SETBP1: variants seen among roughly 807,000 people sequenced by gnomAD.
SETBP1 encodes SET-binding protein.
In SETBP1, 9 loss-of-function variants were observed where a neutral mutation model predicts 101.0. The ratio of observed to expected loss-of-function variants is 0.09; its 90% CI spans 0.05 to 0.16. The LOEUF (loss-of-function observed/expected upper bound fraction) is 0.16, where lower values mean the gene tolerates loss of function less well. Ranked by LOEUF, SETBP1 falls within the 10% of genes least tolerant of loss-of-function variation. The pLI, the probability that SETBP1 is intolerant of heterozygous loss-of-function variation, is 1.00. For missense variants in SETBP1, 1,858 were observed against 2,033.8 expected, an observed-to-expected ratio of 0.91 and a Z score of 1.66; for synonymous variants, 818 against 788.5, an observed-to-expected ratio of 1.04 and a Z score of -0.63.
At chr18:44,964,301 C>G (rs2071675310) in intron 4 of SETBP1, among the ~76,000 whole-genome samples, 1 of 152,006 alleles carries the variant, frequency 6.6e-6, no homozygotes, top group Non-Finnish European at 1.5e-5. Flanking sequence ...ACCTGTAATC[C>G]CAGCACTTTG....
At chr18:44,747,194 T>C (rs1481321115) in intron 2 of SETBP1, among the ~76,000 whole-genome samples, 2 of 152,242 alleles carry the variant, frequency 1.3e-5, no homozygotes, top group Non-Finnish European at 2.9e-5. Context: ...TTCTTCCCCA[T>C]GCATCCTTTC....
chr18:44,871,521 T>G (rs968488978), intron 3 of SETBP1: 1 of 152,198 alleles, frequency 6.6e-6, no homozygotes, highest in Non-Finnish European at 1.5e-5. Context: ...ACCACTTGAA[T>G]GTAGAGGTTT....
chr18:45,006,011 T>G (rs1187905645), intron 4 of SETBP1, among the ~76,000 whole-genome samples: 2 of 137,184 alleles, frequency 1.5e-5, no homozygotes. Flanking sequence ...TGGAGTGCAA[T>G]GGCATGATCT....
intron 2 of SETBP1, among the ~76,000 whole-genome samples, chr18:44,788,706 T>C (rs1424275805): frequency 6.6e-6 from 1 of 151,716 alleles, no homozygotes; most frequent in Non-Finnish European, 1.5e-5. Flanking sequence ...TTTTAATTAG[T>C]AAAACTATCA....
intron 3 of SETBP1, among the ~76,000 whole-genome samples, chr18:44,923,733 T>G (rs1198349048): frequency 2.6e-5 from 4 of 152,220 alleles, no homozygotes; most frequent in Non-Finnish European, 5.9e-5. Flanking sequence ...ACATGATTGA[T>G]TACTTAACCT....
At chr18:44,854,322 G>T (rs1157393478) in intron 2 of SETBP1, among the ~76,000 whole-genome samples, 1 of 152,178 alleles carries the variant, frequency 6.6e-6, no homozygotes, top group Non-Finnish European at 1.5e-5. Context: ...GACTCACTGC[G>T]TTTATCTGGG....
At chr18:45,052,042 G>C (rs1032715919) in intron 5 of SETBP1, among the ~76,000 whole-genome samples, 2 of 152,346 alleles carry the variant, frequency 1.3e-5, no homozygotes, top group Admixed American at 6.5e-5. Context: ...AAGTAAGTCA[G>C]CTAGACTCTG....
At position 44,950,074 on chromosome 18, in the gene SETBP1, C is replaced by T. The variant is rs1390185938; in HGVS notation, c.734C>T (p.Thr245Ile). 1 of 1,614,238 alleles carries T rather than the reference C, an allele frequency of 6.2e-7. No individual in the cohort carries two copies. Among genetic ancestry groups the T allele is most frequent in the Non-Finnish European group, 8.5e-7 (1 of 1,180,050 alleles). Residue 245 changes from threonine (T) to isoleucine (I), a missense_variant, in exon 4 of 6, where the codon ACT becomes ATT. Around this residue, in one of 12 missense-constraint regions of SETBP1, gnomAD observed 581 missense variants for 535.1 expected, o/e 1.09. Coordinates refer to ENST00000649279, the MANE Select transcript of SETBP1 (RefSeq NM_015559.3). Reference protein sequence around the residue: ...CFISPESGRETASTSKIPALE... With the variant: ...CFISPESGREIASTSKIPALE... ...ATCAGTCCAGAGTCTGGCAGAGAAA[C>T]TGCAAGCACCAGCAAGATCCCCGCT...
chr18:45,026,254 G>A (rs956551202), intron 4 of SETBP1, among the ~76,000 whole-genome samples: 2 of 152,148 alleles, frequency 1.3e-5, no homozygotes, highest in Admixed American at 6.5e-5. Context: ...GGCATAACAA[G>A]CATACACCAG....
chr18:44,888,863 G>T (rs1452898695), intron 3 of SETBP1, among the ~76,000 whole-genome samples: 2 of 152,064 alleles, frequency 1.3e-5, no homozygotes, highest in African/African-American at 2.4e-5. Context: ...CCTTCTTGAG[G>T]CCTAGAGAGT....
In SETBP1 at chr18:44,950,701, A is replaced by G; in HGVS notation, c.1361A>G (p.Asn454Ser). The G allele has an allele frequency of 1.2e-6, 2 of 1,614,176 alleles. No homozygotes were observed. The highest frequency in any genetic ancestry group is 1.7e-5 in the Admixed American group (1 of 60,032). The change falls in exon 4 of 6, where the codon AAC becomes AGC. Residue 454 changes from asparagine (N) to serine (S), a missense_variant. Coordinates refer to ENST00000649279, the MANE Select transcript of SETBP1 (RefSeq NM_015559.3). ...SSEVVNRILS[N>S]SEGNKKDPRV... is the part of the protein sequence containing the mutation. ...GAAGTAGTTAACAGGATACTTTCCA[A>G]CTCTGAGGGGAATAAGAAGGATCCC...
intron 2 of SETBP1, among the ~76,000 whole-genome samples, chr18:44,812,792 G>A (rs1351101789): frequency 1.3e-5 from 2 of 152,182 alleles, no homozygotes; most frequent in African/African-American, 2.4e-5. Flanking sequence ...ACCTTATGGG[G>A]CAGCATTTTC....
chr18:44,881,211 G>A (rs1158584713), intron 3 of SETBP1, among the ~76,000 whole-genome samples: 1 of 152,140 alleles, frequency 6.6e-6, no homozygotes, highest in Non-Finnish European at 1.5e-5. Context: ...TGGTATAACA[G>A]GAATGTTCAG....
chr18:44,728,284 C>T (rs1296307421), intron 2 of SETBP1, among the ~76,000 whole-genome samples: 1 of 152,180 alleles, frequency 6.6e-6, no homozygotes, highest in African/African-American at 2.4e-5. Flanking sequence ...TATTCACTGT[C>T]AGAGACTGGT....
intron 2 of SETBP1, among the ~76,000 whole-genome samples, chr18:44,707,649 T>C (rs1195017548): frequency 1.3e-5 from 2 of 152,200 alleles, no homozygotes; most frequent in African/African-American, 4.8e-5. Context: ...ATCATGCACT[T>C]ATTTCCTCCT....
intron 2 of SETBP1, among the ~76,000 whole-genome samples, chr18:44,721,584 C>T (rs1253418292): frequency 7.5e-6 from 1 of 133,582 alleles, no homozygotes; most frequent in African/African-American, 2.9e-5. Context: ...CTACCCCTTT[C>T]TCCAAATAAG....
At chr18:44,936,199 G>A (rs2070952351) in intron 3 of SETBP1, among the ~76,000 whole-genome samples, 1 of 152,178 alleles carries the variant, frequency 6.6e-6, no homozygotes, top group African/African-American at 2.4e-5. Context: ...GACCCCACTG[G>A]AGACCTTCAG....
At chr18:44,870,908 G>C (rs558072331) in intron 3 of SETBP1, 28 of 152,238 alleles carry the variant, frequency 1.8e-4, no homozygotes, top group Non-Finnish European at 2.4e-4. Flanking sequence ...TAAACTAATA[G>C]AGCAAACTTT....
chr18:44,722,150 G>GAAATCTTTGTGGCT (rs1482327806), intron 2 of SETBP1, among the ~76,000 whole-genome samples: 2 of 152,008 alleles, frequency 1.3e-5, no homozygotes, highest in Non-Finnish European at 2.9e-5. Flanking sequence ...ACATGCATGT[G>GAAATCTTTGTGGCT]TGTACCGAAA....
Sources: allele counts gnomAD v4.1 joint callset (sites outside exome capture counted in the v4.1 genomes callset), GRCh38; gene constraint gnomAD v4.1.1; regional missense constraint gnomAD v4.1.1; transcripts MANE v1.5; gene names NCBI Gene and HGNC (gene_info 2026-07-23, HGNC 2026-07-21).